The following SYT14 variants were observed in gnomAD, a reference collection of about 807,000 sequenced individuals.
SYT14 encodes synaptotagmin 14.
In SYT14, 32 loss-of-function variants were observed where a neutral mutation model predicts 74.2. The ratio of observed to expected loss-of-function variants is 0.43; its 90% CI spans 0.33 to 0.58. SYT14 has a LOEUF of 0.58. Ranked by LOEUF, SYT14 falls within the 20% of genes least tolerant of loss-of-function variation. The pLI, the probability that SYT14 is intolerant of heterozygous loss-of-function variation, is 0.05. For synonymous variants in SYT14, 298 were observed against 337.7 expected, an observed-to-expected ratio of 0.88 and a Z score of 1.29; for missense variants, 791 against 981.8, an observed-to-expected ratio of 0.81 and a Z score of 2.60.
intron 5 of SYT14, among the ~76,000 whole-genome samples, chr1:210,028,326 C>T (rs1051181520): frequency 5.9e-5 from 9 of 152,002 alleles, no homozygotes; most frequent in Non-Finnish European, 1.2e-4. Flanking sequence ...AAGTGTGCAG[C>T]TCAATAGTTT....
intron 2 of SYT14, among the ~76,000 whole-genome samples, chr1:209,955,033 T>A (rs1352606180): frequency 6.6e-6 from 1 of 152,162 alleles, no homozygotes; most frequent in Non-Finnish European, 1.5e-5. Context: ...TTTACCTCTT[T>A]GACTGTTTCT....
chr1:209,954,408 C>G (rs542399942), intron 2 of SYT14, among the ~76,000 whole-genome samples: 4 of 152,010 alleles, frequency 2.6e-5, no homozygotes, highest in Non-Finnish European at 4.4e-5. Flanking sequence ...AGCTTTTTTG[C>G]TGTCTTCCGT....
intron 5 of SYT14, among the ~76,000 whole-genome samples, chr1:210,087,772 G>A (rs977637371): frequency 6.6e-6 from 1 of 152,120 alleles, no homozygotes. Context: ...TGGGGCCCAG[G>A]CCCTGAGATA....
chr1:210,000,613 CTTTTTTT>C, intron 2 of SYT14, among the ~76,000 whole-genome samples: 1 of 105,424 alleles, frequency 9.5e-6, no homozygotes, highest in South Asian at 3.0e-4. Flanking sequence ...TTTATGCCTT[CTTTTTTT>C]TTTTTTTTTT....
intron 7 of SYT14, among the ~76,000 whole-genome samples, chr1:210,142,305 A>T (rs1428546436): frequency 3.3e-5 from 5 of 152,218 alleles, no homozygotes; most frequent in Non-Finnish European, 5.9e-5. Flanking sequence ...AAACCTTGGT[A>T]GTTCTCACAG....
At chr1:210,152,951 A>G (rs1188585749) in intron 7 of SYT14, among the ~76,000 whole-genome samples, 2 of 152,150 alleles carry the variant, frequency 1.3e-5, no homozygotes, top group Non-Finnish European at 2.9e-5. Flanking sequence ...TGTTTTACTT[A>G]AAATCACATT....
chr1:210,067,321 A>G (rs367807165), intron 5 of SYT14, among the ~76,000 whole-genome samples: 4 of 151,918 alleles, frequency 2.6e-5, no homozygotes, highest in East Asian at 3.9e-4. Flanking sequence ...CAACTTGACA[A>G]TTTTTACAAA....
In SYT14 at chr1:210,100,472, C is replaced by T. The variant is rs1159906511; in HGVS notation, c.2034+11C>T. On this transcript the variant is annotated intron_variant, in intron 7 of 9. Transcript: ENST00000637265. ...TCTTACAATCATTCTGTGAGTATCT[C>T]ATCAAATGGCCTGAATACAGTTTAT... 7 of 1,609,756 alleles carry T rather than the reference C, an allele frequency of 4.3e-6. No individual in the cohort carries two copies. Among genetic ancestry groups the T allele is most frequent in the Non-Finnish European group, 5.9e-6 (7 of 1,177,360 alleles).
intron 2 of SYT14, chr1:209,966,152 G>A: frequency 3.3e-6 from 1 of 306,118 alleles, no homozygotes; most frequent in Non-Finnish European, 6.5e-6. Context: ...TTACAGGCAT[G>A]AGCCACCGCG....
intron 7 of SYT14, among the ~76,000 whole-genome samples, chr1:210,114,431 T>G (rs2102590560): frequency 6.6e-6 from 1 of 151,396 alleles, no homozygotes; most frequent in South Asian, 2.1e-4. Context: ...GAAGGCGAGG[T>G]TAATCAAGTC....
exon 10 of SYT14, chr1:210,171,312 C>G (rs2083524118): frequency 1.3e-5 from 2 of 152,072 alleles, no homozygotes. Flanking sequence ...GCTGCATCAT[C>G]TAATCTCTGA....
intron 7 of SYT14, among the ~76,000 whole-genome samples, chr1:210,140,891 A>G (rs1444882217): frequency 6.6e-6 from 1 of 151,948 alleles, no homozygotes; most frequent in Non-Finnish European, 1.5e-5. Context: ...CACTTTCTTG[A>G]TTATTGAAGC....
At chr1:209,945,410 A>G (rs1032973720) in intron 1 of SYT14, among the ~76,000 whole-genome samples, 3 of 152,224 alleles carry the variant, frequency 2.0e-5, no homozygotes, top group Non-Finnish European at 4.4e-5. Flanking sequence ...ATTAGGGACA[A>G]AACTAAAAGA....
At chr1:209,963,035 T>C (rs1222216175) in intron 2 of SYT14, among the ~76,000 whole-genome samples, 3 of 152,154 alleles carry the variant, frequency 2.0e-5, no homozygotes, top group Admixed American at 1.3e-4. Context: ...CATTATTCAG[T>C]TGAGTTATGG....
intron 2 of SYT14, among the ~76,000 whole-genome samples, chr1:210,002,114 A>G (rs905869909): frequency 6.6e-6 from 1 of 152,220 alleles, no homozygotes; most frequent in African/African-American, 2.4e-5. Flanking sequence ...ACCATAACCA[A>G]GATAAACTGC....
intron 5 of SYT14, among the ~76,000 whole-genome samples, chr1:210,058,377 G>T (rs1257230165): frequency 1.3e-5 from 2 of 152,156 alleles, no homozygotes; most frequent in Admixed American, 6.6e-5. Flanking sequence ...CTGCCTCATC[G>T]TCTTTTTCAG....
At chr1:210,006,591 T>G (rs1157588016) in intron 2 of SYT14, among the ~76,000 whole-genome samples, 1 of 151,954 alleles carries the variant, frequency 6.6e-6, no homozygotes, top group Admixed American at 6.6e-5. Context: ...TGACATGGAG[T>G]TAGAGGATTA....
chr1:210,090,115 TC>T (rs1048374537), intron 5 of SYT14, among the ~76,000 whole-genome samples: 1 of 152,158 alleles, frequency 6.6e-6, no homozygotes, highest in Non-Finnish European at 1.5e-5. Flanking sequence ...CAGAGGTACT[TC>T]CCATTTTTCA....
chr1:210,061,924 C>T (rs911533371), intron 5 of SYT14, among the ~76,000 whole-genome samples: 2 of 151,678 alleles, frequency 1.3e-5, no homozygotes, highest in South Asian at 4.2e-4. Flanking sequence ...TCTAAGACTA[C>T]TGTAGTTGCC....
Sources: gnomAD v4.1 joint callset for allele counts (sites outside exome capture counted in the v4.1 genomes callset) on GRCh38, gnomAD v4.1.1 for gene constraint, MANE v1.5 for transcripts, NCBI Gene and HGNC (gene_info 2026-07-23, HGNC 2026-07-21) for gene names.